The following CYP4F3 variants were observed in gnomAD, a reference collection of about 807,000 sequenced individuals.
CYP4F3 encodes the protein cytochrome P450 family 4 subfamily F member 3, also known as cytochrome P450 4F3.
CYP4F3 carries 50 observed loss-of-function variants against 54.8 expected under a neutral mutation model. The observed-to-expected ratio is 0.91, with a 90% CI of 0.73 to 1.16. CYP4F3 has a LOEUF of 1.16. Among genes scored for constraint, CYP4F3 ranks in the 50% most tolerant of loss-of-function variants. CYP4F3 has a pLI of 0.00. For synonymous variants in CYP4F3, 244 were observed against 262.6 expected (o/e 0.93, Z 0.69); for missense variants, 715 against 676.2 (o/e 1.06, Z -0.64).
chr19:15,658,691 A>G, intron 11 of CYP4F3, 36 bp from the exon 12 acceptor site: 1 of 1,612,046 alleles, frequency 6.2e-7, no homozygotes, highest in Non-Finnish European at 8.5e-7. Context: ...GGACTGGGAG[A>G]CCCCACCCGG....
chr19:15,643,137 T>C (rs1334376496), intron 2 of CYP4F3, among the ~76,000 whole-genome samples: 1 of 151,616 alleles, frequency 6.6e-6, no homozygotes, highest in Non-Finnish European at 1.5e-5. Context: ...TTAGATAGGA[T>C]GAATAGATTA....
At chr19:15,649,060 G>T (rs1048142638) in intron 5 of CYP4F3, 100 bp from the exon 6 acceptor site, 1 of 1,537,682 alleles carries the variant, frequency 6.5e-7, no homozygotes, top group Non-Finnish European at 8.8e-7. Flanking sequence ...GGGAGAAGAT[G>T]AAGAGGCTTA....
chr19:15,658,167 G>A (rs1298475094), intron 9 of CYP4F3, 97 bp from the exon 10 acceptor site: 21 of 1,561,144 alleles, frequency 1.3e-5, no homozygotes, highest in Middle Eastern at 3.4e-4. Context: ...AGTTTATTTC[G>A]TTACAGGGAG....
Position 15,659,537 on chromosome 19 carries a change from C to A in CYP4F3, c.*152C>A. ...TGAGACAAGTGTTCAAACAGAAAGACGCTTGTGCGTGAATGTTCATGGCAG... is the reference window on the plus strand; with the variant it reads ...TGAGACAAGTGTTCAAACAGAAAGAAGCTTGTGCGTGAATGTTCATGGCAG... On this transcript the variant is annotated 3_prime_UTR_variant, in exon 13 of 13. Transcript: ENST00000221307. The A allele has an allele frequency of 8.4e-7, 1 of 1,188,408 alleles. No homozygotes were observed. The highest frequency in any genetic ancestry group is 1.1e-6 in the Non-Finnish European group (1 of 870,058). 73.6% of individuals were successfully genotyped at this position (1,188,408 alleles called of 1,614,324 possible).
intron 1 of CYP4F3, 106 bp downstream of exon 1, chr19:15,641,051 T>G: frequency 3.9e-6 from 1 of 256,282 alleles, no homozygotes; most frequent in Non-Finnish European, 7.7e-6. Context: ...CCTTCCCACA[T>G]TCTCCATTGC....
chr19:15,641,041 C>G (rs1421855903), intron 1 of CYP4F3, 96 bp downstream of exon 1: 1 of 250,338 alleles, frequency 4.0e-6, no homozygotes, highest in Non-Finnish European at 7.9e-6. Context: ...GGAGCCCCAG[C>G]CTTCCCACAT....
At chr19:15,642,741 T>C (rs1972501530) in intron 2 of CYP4F3, among the ~76,000 whole-genome samples, 1 of 152,036 alleles carries the variant, frequency 6.6e-6, no homozygotes, top group Non-Finnish European at 1.5e-5. Context: ...GACAGATAGA[T>C]AGGTAATAGG....
chr19:15,657,445 C>G (rs186873481), intron 9 of CYP4F3, among the ~76,000 whole-genome samples: 256 of 152,258 alleles, frequency 1.7e-3, no homozygotes, highest in African/African-American at 5.3e-3. Flanking sequence ...AGGTGCCCCC[C>G]CACCATGCCT....
intron 9 of CYP4F3, among the ~76,000 whole-genome samples, chr19:15,656,762 A>G (rs1213201390): frequency 1.1e-5 from 1 of 94,220 alleles, no homozygotes; most frequent in Non-Finnish European, 2.1e-5. Flanking sequence ...CTATCTATCT[A>G]TCTATCATCC....
chr19:15,658,361 G>C lies in CYP4F3; in HGVS notation c.1213G>C (p.Asp405His). 6.2e-7 allele frequency: 1 copy of C among 1,614,118 alleles called. No individual in the cohort carries two copies. Among genetic ancestry groups the C allele is most frequent in the South Asian group, 1.1e-5 (1 of 91,084 alleles). Residue 405 changes from aspartate (D) to histidine (H), a missense_variant, in exon 10 of 13, where the codon GAC (aspartate) becomes CAC (histidine). By Grantham distance (81) the Asp-to-His change is moderately conservative. Coordinates refer to ENST00000221307, the MANE Select transcript of CYP4F3 (RefSeq NM_000896.3). ...VPAVSRCCTQ[D>H]IVLPDGRVIP... ...TGCCGTCTCTCGCTGCTGCACCCAA[G>C]ACATTGTGCTCCCAGACGGCCGGGT... is the stretch of plus-strand genomic sequence containing the variant.
rs910466490 is a variant in CYP4F3, at chr19:15,640,930, G to A, written c.-17G>A. The A allele has an allele frequency of 6.4e-6, 1 of 157,306 alleles. No individual in the cohort carries two copies. The highest frequency in any genetic ancestry group is 2.4e-5 in the African/African-American group (1 of 41,380). 9.7% of individuals were successfully genotyped at this position (157,306 alleles called of 1,614,324 possible). A position where few individuals can be genotyped will look rare whatever the true frequency, so the allele number is the denominator to read the frequency against. On this transcript the variant is annotated 5_prime_UTR_variant, in exon 1 of 13. The change creates a new upstream start codon in the 5' untranslated region. Transcript: ENST00000221307. ...GGGAGAGGAGGTTGTGTGGGACAAG[G>A]TGCTCCTGACAGAAGGTGCCAGGGT...
intron 8 of CYP4F3, 26 bp from the exon 9 acceptor site, chr19:15,652,797 C>T (rs1332693975): frequency 6.2e-7 from 1 of 1,605,416 alleles, no homozygotes. Context: ...AGCCCAGAGA[C>T]CCAAGCCTGC....
rs1326614058 is a variant in CYP4F3, at chr19:15,649,234, G to C, written c.600G>C (p.Leu200Phe). 6.2e-7 allele frequency: 1 copy of C among 1,613,434 alleles called. No individual in the cohort carries two copies. The highest frequency in any genetic ancestry group is 1.1e-5 in the South Asian group (1 of 91,074). The change falls in exon 6 of 13, where the codon TTG (leucine) becomes TTC (phenylalanine). Residue 200 changes from leucine to phenylalanine, a missense_variant. Physicochemically the swap from Leu to Phe is conservative, Grantham distance 22. Transcript: ENST00000221307. ...TTGAGCACATCAGCCTCATGACCTTGGACAGTCTGCAGAAATGTGTCTTCA... is the reference window on the plus strand; with the variant it reads ...TTGAGCACATCAGCCTCATGACCTTCGACAGTCTGCAGAAATGTGTCTTCA... ...DMFEHISLMT[L>F]DSLQKCVFSF...
intron 9 of CYP4F3, among the ~76,000 whole-genome samples, chr19:15,656,706 T>C (rs1325952173): frequency 6.6e-6 from 1 of 150,592 alleles, no homozygotes; most frequent in Non-Finnish European, 1.5e-5. Context: ...CTATTATCTA[T>C]GTATCTATCT....
chr19:15,651,642 C>A (rs888917451), intron 7 of CYP4F3, among the ~76,000 whole-genome samples: 1 of 151,590 alleles, frequency 6.6e-6, no homozygotes, highest in East Asian at 1.9e-4. Context: ...CCACTGCACC[C>A]GGCCATATTT....
rs200588031 is a variant in CYP4F3 at position 15,660,719 on chromosome 19, A to ATTT, written c.*1347_*1349dup. The ATTT allele has an allele frequency of 0.31, 44,310 of 143,190 alleles. 8,177 individuals are homozygous for ATTT. The highest frequency in any genetic ancestry group is 0.48 in the African/African-American group (18,453 of 38,300). 8.9% of individuals were successfully genotyped at this position (143,190 alleles called of 1,614,324 possible). On this transcript the variant is annotated 3_prime_UTR_variant, in exon 13 of 13. Transcript: ENST00000221307. ...GACAAGACTTTGACAGGGGTGCCTA[A>ATTT]TTTTTTTTTTTTTTTGAGATGGAGT...
rs774001285 is a variant in CYP4F3, at chr19:15,650,100, C to A, written c.835C>A (p.Pro279Thr). 6.2e-6 allele frequency: 10 copies of A among 1,614,190 alleles called. No individual in the cohort carries two copies. The East Asian group carries it at 6.7e-5, about 11-fold the overall frequency. ...AVIQERRRTL[P>T]SQGVDDFLQA... ...CATCCAGGAGCGGCGCCGCACCCTC[C>A]CTAGCCAGGGTGTTGATGACTTCCT... is the stretch of plus-strand genomic sequence containing the variant. The change falls in exon 7 of 13, where the codon CCT (proline) becomes ACT (threonine). Residue 279 changes from proline (P) to threonine (T), a missense_variant. Transcript: ENST00000221307.
intron 3 of CYP4F3, 101 bp from the exon 4 acceptor site, chr19:15,646,951 G>A: frequency 6.6e-7 from 1 of 1,521,362 alleles, no homozygotes; most frequent in Non-Finnish European, 9.0e-7. Flanking sequence ...TGTGGGGCTT[G>A]GAGGGAAGAA....
intron 2 of CYP4F3, chr19:15,644,108 C>T: frequency 6.8e-7 from 1 of 1,464,490 alleles, no homozygotes; most frequent in Non-Finnish European, 9.0e-7. Context: ...CCTGCAAGTC[C>T]CTCTATCCCC....
Sources: allele counts gnomAD v4.1 joint callset (sites outside exome capture counted in the v4.1 genomes callset), GRCh38; gene constraint gnomAD v4.1.1; transcripts MANE v1.5; gene names NCBI Gene and HGNC (gene_info 2026-07-23, HGNC 2026-07-21).